THRAP3: variants seen among roughly 807,000 people sequenced by gnomAD.
THRAP3 encodes the protein thyroid hormone receptor-associated protein 3.
A neutral mutation model predicts 101.0 loss-of-function variants in THRAP3; 16 were observed. The observed-to-expected ratio is 0.16, with a 90% CI of 0.11 to 0.24. THRAP3 has a LOEUF of 0.24. Ranked by LOEUF, THRAP3 falls within the 10% of genes least tolerant of loss-of-function variation. The pLI is 1.00. For missense variants in THRAP3, 989 were observed against 1,202.7 expected (o/e 0.82, Z 2.63); for synonymous variants, 407 against 422.6 (o/e 0.96, Z 0.45).
intron 2 of THRAP3, among the ~76,000 whole-genome samples, chr1:36,278,845 C>T (rs1440842338): frequency 6.6e-6 from 1 of 151,912 alleles, no homozygotes; most frequent in Non-Finnish European, 1.5e-5. Context: ...ATCACTTGAA[C>T]CCAGGTGGCA....
Position 36,289,304 on chromosome 1 carries a change from G to A in THRAP3, c.1285G>A (p.Glu429Lys). ...EKKMADFHKE[E>K]MDDQDKDKAK... is the part of the protein sequence containing the mutation. ...GAAGATGGCTGACTTCCACAAGGAG[G>A]AGATGGATGATCAAGATAAGGACAA... is the stretch of plus-strand genomic sequence containing the variant. Residue 429 changes from glutamate to lysine, a missense_variant, in exon 5 of 12, where the codon GAG (glutamate) becomes AAG (lysine). Transcript: ENST00000354618. 8 of 1,614,158 alleles carry A rather than the reference G, an allele frequency of 5.0e-6. No homozygotes were observed. The highest frequency in any genetic ancestry group is 6.8e-6 in the Non-Finnish European group (8 of 1,180,032).
At chr1:36,216,419 C>T in the THRAP3 span, among the ~76,000 whole-genome samples, 1 of 143,758 alleles carries the variant, frequency 7.0e-6, no homozygotes, top group Non-Finnish European at 1.5e-5. Flanking sequence ...GAGGCAGAGG[C>T]AGGAGAATCG....
intron 2 of THRAP3, among the ~76,000 whole-genome samples, chr1:36,280,628 G>C (rs953381910): frequency 1.3e-5 from 2 of 152,242 alleles, no homozygotes; most frequent in Admixed American, 1.3e-4. Flanking sequence ...AAGTGTGATA[G>C]AATAGGCCCT....
intron 9 of THRAP3, among the ~76,000 whole-genome samples, chr1:36,298,932 C>CCT (rs1049185239): frequency 6.6e-6 from 1 of 152,146 alleles, no homozygotes; most frequent in African/African-American, 2.4e-5. Flanking sequence ...TCAGCTGGGA[C>CCT]TACAGGTGTA....
intron 1 of THRAP3, among the ~76,000 whole-genome samples, chr1:36,253,760 A>ATTTTTTTTTTATTTTTTTTTT (rs1645338003): frequency 2.3e-4 from 23 of 100,212 alleles, no homozygotes; most frequent in African/African-American, 9.3e-4. Context: ...AGTCAGGCTA[A>ATTTTTTTTTTATTTTTTTTTT]TTTTTTTTTT....
chr1:36,219,940 A>AC, upstream of THRAP3, among the ~76,000 whole-genome samples: 1 of 152,302 alleles, frequency 6.6e-6, no homozygotes, highest in East Asian at 1.9e-4. Flanking sequence ...CTTAAGAATT[A>AC]CGCTAAATCT....
intron 1 of THRAP3, among the ~76,000 whole-genome samples, chr1:36,243,869 G>T (rs1455847321): frequency 7.0e-6 from 1 of 143,736 alleles, no homozygotes; most frequent in South Asian, 2.2e-4. Context: ...CTGGCCGGGT[G>T]GGGGGCTGAC....
chr1:36,245,237 G>A (rs1026230207), intron 1 of THRAP3, among the ~76,000 whole-genome samples: 4 of 151,008 alleles, frequency 2.6e-5, no homozygotes, highest in Admixed American at 2.0e-4. Flanking sequence ...CACAATCTTG[G>A]TTCACTGCAA....
intron 9 of THRAP3, among the ~76,000 whole-genome samples, chr1:36,298,859 T>C (rs1392736910): frequency 4.6e-5 from 7 of 152,090 alleles, no homozygotes; most frequent in Admixed American, 2.0e-4. Flanking sequence ...AGTGATGCAA[T>C]CACTGGCCTA....
chr1:36,281,096 G>A (rs1645726033), intron 2 of THRAP3, among the ~76,000 whole-genome samples: 1 of 151,820 alleles, frequency 6.6e-6, no homozygotes, highest in Admixed American at 6.6e-5. Flanking sequence ...TAGTAGAGAT[G>A]GGGTTTCACC....
chr1:36,262,785 T>A (rs1228415398), intron 2 of THRAP3, among the ~76,000 whole-genome samples: 2 of 150,568 alleles, frequency 1.3e-5, no homozygotes, highest in African/African-American at 4.8e-5. Context: ...TATTTTATTT[T>A]ATTTATTTAT....
At chr1:36,274,625 CTTTTTTT>C (rs573419051) in intron 2 of THRAP3, among the ~76,000 whole-genome samples, 1 of 59,288 alleles carries the variant, frequency 1.7e-5, no homozygotes, top group African/African-American at 6.4e-5. Flanking sequence ...ATTAATTGGG[CTTTTTTT>C]TTTTTTTTTT....
chr1:36,287,871 G>A (rs369149304), intron 4 of THRAP3: 5 of 985,446 alleles, frequency 5.1e-6, no homozygotes, highest in Non-Finnish European at 6.0e-6. Flanking sequence ...TGGGGGACAC[G>A]GTGAGTTGGA....
chr1:36,241,496 T>C (rs1241303339), intron 1 of THRAP3, among the ~76,000 whole-genome samples: 1 of 150,564 alleles, frequency 6.6e-6, no homozygotes, highest in Non-Finnish European at 1.5e-5. Flanking sequence ...AAATTCTTAA[T>C]GTGTGAGTAT....
rs1645527706 is a variant in THRAP3 at position 36,267,291 on chromosome 1, AC to A, written c.-32+7809del. On this transcript the variant is annotated intron_variant, in intron 2 of 11. Transcript: ENST00000354618. ...CCTTTAAAAGCAAAGTTTCTTTACC[AC>A]CTAATTCCATTTTTTAGGACATGGC... Among the ~76,000 whole-genome samples, 5 of 152,290 alleles carry A rather than the reference AC, an allele frequency of 3.3e-5. No individual in the cohort carries two copies. In the South Asian group the frequency reaches 8.3e-4, roughly 25 times the overall value.
In THRAP3 at chr1:36,296,638, G is replaced by A. The variant is rs574862454; in HGVS notation, c.2171G>A (p.Arg724His). Residue 724 changes from arginine (R) to histidine (H), a missense_variant, in exon 9 of 12, where the codon CGT becomes CAT. Coordinates refer to ENST00000354618, the MANE Select transcript of THRAP3 (RefSeq NM_005119.4). ...PVDLRLDIER[R>H]KKHKERDLKR... Reference sequence around the variant, plus strand: ...GATCTCCGCCTTGATATTGAACGTCGTAAAAAACATAAGGAGAGAGATCTT... The same window carrying A: ...GATCTCCGCCTTGATATTGAACGTCATAAAAAACATAAGGAGAGAGATCTT... 16 of 1,598,854 alleles carry A rather than the reference G, an allele frequency of 1.0e-5. No individual in the cohort carries two copies. Among genetic ancestry groups the A allele is most frequent in the Admixed American group, 5.4e-5 (3 of 55,096 alleles).
intron 2 of THRAP3, among the ~76,000 whole-genome samples, chr1:36,273,898 C>T (rs1182769556): frequency 1.3e-5 from 2 of 152,066 alleles, no homozygotes; most frequent in Admixed American, 1.3e-4. Flanking sequence ...AAAAAATCAG[C>T]TGGGCGTGGT....
Position 36,282,528 on chromosome 1 carries a change from A to T in THRAP3, c.-31-5A>T. ...CATTTGTTCTAATGCATTTTCTTAC[A>T]TTAGGTGTAATTGAAAAGTGATCCT... On this transcript the variant is annotated splice_polypyrimidine_tract_variant and splice_region_variant and intron_variant, in intron 2 of 11. Transcript: ENST00000354618. The T allele has an allele frequency of 6.2e-7, 1 of 1,605,134 alleles. No homozygotes were observed. The highest frequency in any genetic ancestry group is 1.3e-5 in the African/African-American group (1 of 74,788).
intron 1 of THRAP3, among the ~76,000 whole-genome samples, chr1:36,247,361 G>A (rs1357200890): frequency 6.6e-6 from 1 of 151,842 alleles, no homozygotes; most frequent in Non-Finnish European, 1.5e-5. Flanking sequence ...GTCTAGCTCT[G>A]TCGTCCAGGC....
Sources: gnomAD v4.1 joint callset for allele counts (sites outside exome capture counted in the v4.1 genomes callset) on GRCh38, gnomAD v4.1.1 for gene constraint, MANE v1.5 for transcripts, NCBI Gene and HGNC (gene_info 2026-07-23, HGNC 2026-07-21) for gene names.